Variants in CMC1 observed in about 807,000 individuals in gnomAD.
The protein encoded by CMC1 is COX assembly mitochondrial protein homolog.
A neutral mutation model predicts 14.1 loss-of-function variants in CMC1; 14 were observed. The ratio of observed to expected loss-of-function variants is 0.99; its 90% CI spans 0.66 to 1.55. CMC1 has a LOEUF of 1.55. Ranked by LOEUF, CMC1 falls within the 40% of genes most tolerant of loss-of-function variation. CMC1 has a pLI of 0.00. For missense variants in CMC1, 127 were observed against 123.8 expected (o/e 1.03, Z -0.12); for synonymous variants, 50 against 38.4 (o/e 1.30, Z -1.12).
At chr3:28,259,965 A>G (rs1343986681) in intron 1 of CMC1, among the ~76,000 whole-genome samples, 3 of 152,134 alleles carry the variant, frequency 2.0e-5, no homozygotes, top group Admixed American at 2.0e-4. Flanking sequence ...GATTTTTTGT[A>G]GATGCCCTTC....
At position 28,321,282 on chromosome 3, in the gene CMC1, T is replaced by G. The variant is rs976663045; in HGVS notation, c.*1653T>G. ...ACAGGAAGTTAACTGTTTTTAGAGA[T>G]AAATGAAAATGGAAGAGTTACTTTA... On this transcript the variant is annotated 3_prime_UTR_variant, in exon 4 of 4. Coordinates refer to ENST00000466830, the MANE Select transcript of CMC1 (RefSeq NM_182523.2). The G allele has an allele frequency of 2.6e-5, 4 of 151,306 alleles. No individual in the cohort carries two copies. Among genetic ancestry groups the G allele is most frequent in the African/African-American group, 7.3e-5 (3 of 41,324 alleles). 9.4% of individuals were successfully genotyped at this position (151,306 alleles called of 1,614,324 possible).
intron 2 of CMC1, among the ~76,000 whole-genome samples, chr3:28,279,885 C>T (rs1700786179): frequency 6.6e-6 from 1 of 152,176 alleles, no homozygotes; most frequent in South Asian, 2.1e-4. Context: ...ATTCACAAAA[C>T]ACACATCTGC....
intron 2 of CMC1, among the ~76,000 whole-genome samples, chr3:28,267,505 C>T (rs11129316): frequency 0.62 from 93,772 of 151,988 alleles, 29,220 homozygotes; most frequent in East Asian, 0.71. Flanking sequence ...CCCTTGGGCC[C>T]TCTTTTCCCT....
At chr3:28,284,213 A>G (rs1701051295) in intron 2 of CMC1, among the ~76,000 whole-genome samples, 1 of 152,162 alleles carries the variant, frequency 6.6e-6, no homozygotes, top group Non-Finnish European at 1.5e-5. Context: ...TTCAGAGTAG[A>G]CCTAAATAGG....
chr3:28,289,003 A>G (rs1293442203), intron 2 of CMC1, among the ~76,000 whole-genome samples: 2 of 151,624 alleles, frequency 1.3e-5, no homozygotes, highest in African/African-American at 4.8e-5. Flanking sequence ...TCAGAGGTTT[A>G]AAAACATATT....
At chr3:28,293,323 G>A (rs1396251575) in intron 2 of CMC1, among the ~76,000 whole-genome samples, 1 of 136,706 alleles carries the variant, frequency 7.3e-6, no homozygotes, top group East Asian at 2.1e-4. Flanking sequence ...TTTTTTTTTC[G>A]AGTGGCTGGG....
intron 2 of CMC1, among the ~76,000 whole-genome samples, chr3:28,276,769 A>T (rs1700609425): frequency 6.6e-6 from 1 of 152,190 alleles, no homozygotes; most frequent in South Asian, 2.1e-4. Context: ...GGAATCTTGT[A>T]TATCTGTTGG....
intron 2 of CMC1, among the ~76,000 whole-genome samples, chr3:28,274,797 G>A (rs1190064492): frequency 6.6e-6 from 1 of 151,856 alleles, no homozygotes; most frequent in Non-Finnish European, 1.5e-5. Context: ...GTTCTCGGAG[G>A]TTTTGTTTGT....
intron 1 of CMC1, among the ~76,000 whole-genome samples, chr3:28,246,538 CTT>C (rs1475265059): frequency 6.6e-6 from 1 of 152,034 alleles, no homozygotes; most frequent in Non-Finnish European, 1.5e-5. Flanking sequence ...GTTGATCTGA[CTT>C]TTGTTTAGAT....
intron 1 of CMC1, among the ~76,000 whole-genome samples, chr3:28,251,825 AG>A (rs71087679): frequency 0.22 from 32,915 of 152,078 alleles, 3,720 homozygotes; most frequent in Middle Eastern, 0.28. Context: ...GATTTATATG[AG>A]GAAAAAAAGT....
intron 2 of CMC1, among the ~76,000 whole-genome samples, chr3:28,302,474 CT>C (rs987408487): frequency 9.9e-5 from 15 of 152,180 alleles, no homozygotes; most frequent in African/African-American, 3.6e-4. Flanking sequence ...TCTATGTGAT[CT>C]TTTAAAAAAG....
intron 2 of CMC1, chr3:28,292,970 T>C (rs987959176): frequency 6.6e-5 from 10 of 152,292 alleles, no homozygotes; most frequent in African/African-American, 2.2e-4. Flanking sequence ...TCCAGGTAAA[T>C]TTTACCTTTA....
chr3:28,316,807 T>A (rs1349781114), intron 3 of CMC1: 2 of 154,084 alleles, frequency 1.3e-5, no homozygotes, highest in Non-Finnish European at 2.9e-5. Flanking sequence ...TTTGTTGGAT[T>A]AATATAATTT....
intron 2 of CMC1, among the ~76,000 whole-genome samples, chr3:28,272,548 C>T (rs995889987): frequency 6.6e-6 from 1 of 152,154 alleles, no homozygotes; most frequent in Non-Finnish European, 1.5e-5. Flanking sequence ...GTTGAACCAG[C>T]CTTGCATCGT....
At chr3:28,252,431 A>G (rs1409169711) in intron 1 of CMC1, among the ~76,000 whole-genome samples, 2 of 152,174 alleles carry the variant, frequency 1.3e-5, no homozygotes, top group African/African-American at 2.4e-5. Flanking sequence ...TTAGTGGCTG[A>G]CCTAATATTT....
Position 28,324,512 on chromosome 3 carries a change from C to T in CMC1, c.*4883C>T, listed in dbSNP as rs1003891547. 2.8e-5 allele frequency: 38 copies of T among 1,356,824 alleles called. No individual in the cohort carries two copies. In the Admixed American group the frequency reaches 6.2e-4, roughly 22 times the overall value. The allele number at this position is 1,356,824 out of a possible 1,614,324, so 84.0% of individuals were successfully genotyped here. On this transcript the variant is annotated 3_prime_UTR_variant, in exon 4 of 4. Transcript: ENST00000466830. The stretch of plus-strand genomic sequence containing the variant: ...TCATTACATTTGTGATCATAAAATT[C>T]GATAACACTTCACCAATTTGAATTC...
chr3:28,265,574 A>G (rs1030209425), intron 2 of CMC1, among the ~76,000 whole-genome samples: 2 of 152,148 alleles, frequency 1.3e-5, no homozygotes, highest in Non-Finnish European at 1.5e-5. Flanking sequence ...ACTTTCTGCT[A>G]AATGCCTAAA....
At chr3:28,287,612 A>G (rs1701251865) in intron 2 of CMC1, among the ~76,000 whole-genome samples, 1 of 152,104 alleles carries the variant, frequency 6.6e-6, no homozygotes, top group Non-Finnish European at 1.5e-5. Context: ...GGTATACTTT[A>G]AAAAGATTTG....
At position 28,324,698 on chromosome 3, in the gene CMC1, T is replaced by C. The variant is rs1451665318; in HGVS notation, c.*5069T>C. The C allele has an allele frequency of 1.5e-4, 51 of 349,242 alleles. No individual in the cohort carries two copies. The highest frequency in any genetic ancestry group is 1.5e-5 in the Non-Finnish European group (3 of 193,728). The allele number at this position is 349,242 out of a possible 1,614,324, so 21.6% of individuals were successfully genotyped here. On this transcript the variant is annotated 3_prime_UTR_variant, in exon 4 of 4. Transcript: ENST00000466830. The stretch of plus-strand genomic sequence containing the variant: ...GCTGCTCCTGATGTCTCTTTCCTTG[T>C]CTGCAGAATGGATATAGAATTCCTG...
Sources: allele counts gnomAD v4.1 joint callset (sites outside exome capture counted in the v4.1 genomes callset), GRCh38; gene constraint gnomAD v4.1.1; transcripts MANE v1.5; gene names NCBI Gene and HGNC (gene_info 2026-07-23, HGNC 2026-07-21).